Variants in ANKAR observed in about 807,000 individuals in gnomAD.
ANKAR encodes the protein ankyrin and armadillo repeat-containing protein.
In ANKAR, 136 loss-of-function variants were observed where a neutral mutation model predicts 146.2. The observed-to-expected ratio is 0.93, with a 90% CI of 0.81 to 1.07. ANKAR has a LOEUF of 1.07. Ranked by LOEUF, ANKAR falls within the 50% of genes least tolerant of loss-of-function variation. The probability of loss-of-function intolerance (pLI) is 0.00; values close to 1 mark genes in which losing one functional copy is unlikely to be tolerated. For synonymous variants in ANKAR, 500 were observed against 575.8 expected (o/e 0.87, Z 1.88); for missense variants, 1,567 against 1,679.9 (o/e 0.93, Z 1.18).
chr2:189,722,028 T>A (rs1446317264), intron 12 of ANKAR, among the ~76,000 whole-genome samples: 1 of 152,190 alleles, frequency 6.6e-6, no homozygotes, highest in Non-Finnish European at 1.5e-5. Flanking sequence ...CATCGCTTAC[T>A]ATGCTCTACT....
chr2:189,762,355 G>C (rs1016174589), downstream of ANKAR, among the ~76,000 whole-genome samples: 2 of 152,180 alleles, frequency 1.3e-5, no homozygotes, highest in South Asian at 4.1e-4. Context: ...AACTTTCTGG[G>C]TGTTAAAGCA....
chr2:189,699,140 G>T (rs1035026587), intron 7 of ANKAR, among the ~76,000 whole-genome samples: 4 of 152,030 alleles, frequency 2.6e-5, no homozygotes, highest in African/African-American at 4.8e-5. Flanking sequence ...TTTCTTGAGG[G>T]GTGTACATTT....
At chr2:189,708,025 A>G (rs2105686177) in intron 9 of ANKAR, among the ~76,000 whole-genome samples, 1 of 152,266 alleles carries the variant, frequency 6.6e-6, no homozygotes, top group Admixed American at 6.5e-5. Flanking sequence ...TCTCCTTCAG[A>G]AATAGAAAGG....
chr2:189,736,417 C>T (rs2042835894), intron 17 of ANKAR, among the ~76,000 whole-genome samples: 1 of 151,448 alleles, frequency 6.6e-6, no homozygotes, highest in African/African-American at 2.4e-5. Context: ...TGTTAATCCA[C>T]GCTTTGACTA....
chr2:189,689,046 T>G (rs73048432), intron 2 of ANKAR, among the ~76,000 whole-genome samples: 5,162 of 152,274 alleles, frequency 0.034, 300 homozygotes, highest in African/African-American at 0.12. Flanking sequence ...GTTTAACTGT[T>G]AGAGAAAAAA....
chr2:189,705,172 A>T lies in ANKAR; in HGVS notation c.1858A>T (p.Ile620Phe), dbSNP rs2038750415. ...AAFYDNVCII[I>F]ALCRKDPSLL... ...TTTCTATGACAACGTTTGCATCATT[A>T]TTGCTCTCTGTAGGAAGGATCCTAG... Residue 620 changes from isoleucine to phenylalanine, a missense_variant, in exon 8 of 23, where the codon ATT (isoleucine) becomes TTT (phenylalanine). Physicochemically the swap from Ile to Phe is conservative, Grantham distance 21 (BLOSUM62 0). Coordinates refer to ENST00000684021, the MANE Select transcript of ANKAR (RefSeq NM_001378068.1). 2 of 1,614,112 alleles carry T rather than the reference A, an allele frequency of 1.2e-6. No individual in the cohort carries two copies. Among genetic ancestry groups the T allele is most frequent in the East Asian group, 4.5e-5 (2 of 44,874 alleles).
rs1574307204 is a variant in ANKAR, at chr2:189,676,786, A to G, written c.296A>G (p.Glu99Gly). The change falls in exon 2 of 23, where the codon GAG becomes GGG. Residue 99 changes from glutamate (E) to glycine (G), a missense_variant. Physicochemically the swap from Glu to Gly is moderately conservative, Grantham distance 98 (BLOSUM62 -2). Transcript: ENST00000684021. ...VDPTALLDYR[E>G]VHQMIRELAI... The stretch of plus-strand genomic sequence containing the variant: ...CCTACTGCCCTCTTAGACTATAGAG[A>G]GGTCCATCAAATGATAAGAGAGTTG... 6.2e-7 allele frequency: 1 copy of G among 1,614,166 alleles called. No homozygotes were observed. The highest frequency in any genetic ancestry group is 8.5e-7 in the Non-Finnish European group (1 of 1,180,034).
intron 10 of ANKAR, among the ~76,000 whole-genome samples, chr2:189,716,980 A>G (rs576686487): frequency 2.6e-5 from 4 of 152,294 alleles, no homozygotes; most frequent in Admixed American, 6.5e-5. Flanking sequence ...CTGAAACCAT[A>G]AAAACCCTAG....
intron 18 of ANKAR, among the ~76,000 whole-genome samples, chr2:189,759,868 C>T (rs776400187): frequency 1.6e-4 from 24 of 152,008 alleles, no homozygotes; most frequent in Non-Finnish European, 3.4e-4. Context: ...AACATGTGAA[C>T]AAAGGTCTCT....
chr2:189,752,908 CTG>C, intron 18 of ANKAR: 1 of 1,613,788 alleles, frequency 6.2e-7, no homozygotes. Flanking sequence ...ACAAAGTGCA[CTG>C]TGTTGCATTT....
intron 2 of ANKAR, among the ~76,000 whole-genome samples, chr2:189,683,612 T>G (rs2035084094): frequency 6.6e-6 from 1 of 152,136 alleles, no homozygotes; most frequent in Non-Finnish European, 1.5e-5. Context: ...ATTGAGGGAG[T>G]GTACCACCTC....
intron 1 of ANKAR, chr2:189,676,186 T>C: frequency 6.9e-6 from 2 of 289,024 alleles, no homozygotes; most frequent in Non-Finnish European, 6.4e-6. Context: ...ACAGATAAAC[T>C]TAACGTTTCT....
chr2:189,753,706 T>C (rs972114698), intron 18 of ANKAR, among the ~76,000 whole-genome samples: 1 of 152,206 alleles, frequency 6.6e-6, no homozygotes, highest in African/African-American at 2.4e-5. Flanking sequence ...ATTAGACTTA[T>C]GTGCCATAGA....
rs532532802 is a variant in ANKAR at position 189,709,486 on chromosome 2, T to A, written c.2120-1563T>A. Among the ~76,000 whole-genome samples, 5 of 152,322 alleles carry A rather than the reference T, an allele frequency of 3.3e-5. No individual in the cohort carries two copies. In the South Asian group the frequency reaches 1.0e-3, roughly 32 times the overall value. On this transcript the variant is annotated intron_variant, in intron 9 of 22. Transcript: ENST00000684021. The stretch of plus-strand genomic sequence containing the variant: ...AACCACTAGGTTTTGTTATAGGCCA[T>A]TTAATAACATTTAACTCTGAATCAT...
intron 10 of ANKAR, 93 bp downstream of exon 10, chr2:189,711,246 A>G (rs1179203071): frequency 1.0e-5 from 10 of 979,374 alleles, no homozygotes; most frequent in East Asian, 8.9e-5. Context: ...TTAATTGTAA[A>G]GGAAAAATTT....
chr2:189,717,588 T>A (rs2040647134), intron 10 of ANKAR, among the ~76,000 whole-genome samples: 1 of 152,184 alleles, frequency 6.6e-6, no homozygotes, highest in South Asian at 2.1e-4. Flanking sequence ...CATTACTGGG[T>A]ATATACCCAA....
intron 12 of ANKAR, among the ~76,000 whole-genome samples, chr2:189,722,057 A>G (rs1231996377): frequency 1.3e-5 from 2 of 152,144 alleles, no homozygotes; most frequent in Admixed American, 1.3e-4. Context: ...TAAGAATAGC[A>G]TCAGAGGCCA....
chr2:189,731,651 A>G (rs1225092), intron 16 of ANKAR, among the ~76,000 whole-genome samples: 149,266 of 152,094 alleles, frequency 0.98, 73,306 homozygotes, highest in East Asian at 1. Context: ...GGATTAAGGT[A>G]TGAGCCACTG....
intron 12 of ANKAR, among the ~76,000 whole-genome samples, chr2:189,726,036 G>A (rs1196575109): frequency 1.3e-5 from 2 of 152,212 alleles, no homozygotes; most frequent in East Asian, 3.8e-4. Flanking sequence ...CTTCCTTATA[G>A]CAGAATGTCA....
Sources: gnomAD v4.1 joint callset for allele counts (sites outside exome capture counted in the v4.1 genomes callset) on GRCh38, gnomAD v4.1.1 for gene constraint, MANE v1.5 for transcripts, NCBI Gene and HGNC (gene_info 2026-07-23, HGNC 2026-07-21) for gene names.